Variants in HECTD4 observed in about 807,000 individuals in gnomAD.
HECTD4 encodes HECT domain E3 ubiquitin protein ligase 4.
In HECTD4, 114 loss-of-function variants were observed where a neutral mutation model predicts 471.5. The ratio of observed to expected loss-of-function variants is 0.24; its 90% CI spans 0.21 to 0.28. The LOEUF (loss-of-function observed/expected upper bound fraction) is 0.28, where lower values mean the gene tolerates loss of function less well. HECTD4 is among the 10% of genes least tolerant of loss of function. The pLI is 1.00. For missense variants in HECTD4, 3,866 were observed against 5,651.5 expected (o/e 0.68, Z 10.13); for synonymous variants, 2,012 against 2,256.0 (o/e 0.89, Z 3.07).
chr12:112,271,511 C>T (rs2034412133), intron 11 of HECTD4, among the ~76,000 whole-genome samples: 1 of 152,220 alleles, frequency 6.6e-6, no homozygotes, highest in South Asian at 2.1e-4. Flanking sequence ...GATACCTCTT[C>T]TGTGGTATTC....
chr12:112,308,453 C>CA (rs1330352270), intron 6 of HECTD4, among the ~76,000 whole-genome samples: 2 of 130,600 alleles, frequency 1.5e-5, no homozygotes, highest in Non-Finnish European at 3.3e-5. Flanking sequence ...AAAACAAAAA[C>CA]AAAACAAAAA....
intron 7 of HECTD4, among the ~76,000 whole-genome samples, chr12:112,304,499 G>A (rs1017236954): frequency 4.0e-5 from 6 of 151,826 alleles, no homozygotes; most frequent in Non-Finnish European, 7.4e-5. Context: ...CAGGAGCACC[G>A]TCATCTCAGA....
intron 1 of HECTD4, among the ~76,000 whole-genome samples, chr12:112,358,232 T>C (rs2036381793): frequency 6.6e-6 from 1 of 152,122 alleles, no homozygotes; most frequent in Non-Finnish European, 1.5e-5. Context: ...TCCTATTGTA[T>C]CTATCCCACA....
intron 44 of HECTD4, among the ~76,000 whole-genome samples, chr12:112,219,819 C>G (rs1241967412): frequency 6.6e-6 from 1 of 152,018 alleles, no homozygotes; most frequent in East Asian, 1.9e-4. Context: ...AGGCTGGTCT[C>G]GAACTCCTGA....
chr12:112,187,209 C>A (rs1043065378), intron 60 of HECTD4, among the ~76,000 whole-genome samples: 4 of 152,136 alleles, frequency 2.6e-5, no homozygotes, highest in Non-Finnish European at 2.9e-5. Context: ...GAACTCCCGA[C>A]CTCAGGTGAT....
chr12:112,332,004 A>G (rs1258735788), intron 1 of HECTD4, among the ~76,000 whole-genome samples: 4 of 152,138 alleles, frequency 2.6e-5, no homozygotes. Context: ...AAATCATGTC[A>G]CATGAAAAAT....
chr12:112,164,241 G>C lies in HECTD4; in HGVS notation c.12569C>G (p.Ala4190Gly). 2 of 1,613,714 alleles carry C rather than the reference G, an allele frequency of 1.2e-6. No homozygotes were observed. Among genetic ancestry groups the C allele is most frequent in the Middle Eastern group, 3.3e-4 (2 of 6,050 alleles). ...GGCCAGGTGCTGGGAGGCGATCTCA[G>C]CGCACAGGGCCTCCAGCTCGGTCTC... ...NDETELEALC[A>G]EIASQHLATE... is the part of the protein sequence containing the mutation. Residue 4190 changes from alanine (A) to glycine (G), a missense_variant, in exon 73 of 76, where the codon GCT (alanine) becomes GGT (glycine). Physicochemically the swap from Ala to Gly is moderately conservative, Grantham distance 60. Coordinates refer to ENST00000682272, the MANE Select transcript of HECTD4 (RefSeq NM_001388303.1).
intron 55 of HECTD4, among the ~76,000 whole-genome samples, chr12:112,198,956 G>A (rs184556503): frequency 6.6e-6 from 1 of 152,270 alleles, no homozygotes; most frequent in East Asian, 1.9e-4. Context: ...ACAGCTTCAA[G>A]GCTTCTGGAG....
At chr12:112,203,605 A>G (rs2032492481) in intron 54 of HECTD4, 31 bp downstream of exon 54, 1 of 1,590,922 alleles carries the variant, frequency 6.3e-7, no homozygotes, top group African/African-American at 1.3e-5. Flanking sequence ...TATATAAAAT[A>G]GCTTATTAAT....
At chr12:112,359,101 G>A (rs1013385840) in intron 1 of HECTD4, among the ~76,000 whole-genome samples, 4 of 151,862 alleles carry the variant, frequency 2.6e-5, no homozygotes, top group Non-Finnish European at 2.9e-5. Flanking sequence ...GCGTGAATGC[G>A]GGAGGCAGAG....
At chr12:112,315,895 T>TAAA (rs570049819) in intron 2 of HECTD4, among the ~76,000 whole-genome samples, 5 of 93,028 alleles carry the variant, frequency 5.4e-5, no homozygotes, top group East Asian at 2.9e-4. Context: ...GACCATGTCT[T>TAAA]AAAAAAAAAA....
rs1011037514 is a variant in HECTD4, at chr12:112,162,204, C to T, written c.*183G>A. 8 of 615,694 alleles carry T rather than the reference C, an allele frequency of 1.3e-5. No individual in the cohort carries two copies. The highest frequency in any genetic ancestry group is 5.9e-5 in the Admixed American group (2 of 33,636). The allele number at this position is 615,694 out of a possible 1,614,324, so 38.1% of individuals were successfully genotyped here. A position where few individuals can be genotyped will look rare whatever the true frequency, so the allele number is the denominator to read the frequency against. On this transcript the variant is annotated 3_prime_UTR_variant, in exon 76 of 76. Coordinates refer to ENST00000682272, the MANE Select transcript of HECTD4 (RefSeq NM_001388303.1). This position sits in a 1 kb window ranked among gnomAD's most constrained non-coding sequence, Gnocchi z 5.2. ...AGGCAGCAAAAGAACCAACCCATCA[C>T]GAAACGTACAAAGACAAAAGGTTAA...
chr12:112,368,979 A>G (rs1283131782), intron 1 of HECTD4, among the ~76,000 whole-genome samples: 1 of 152,228 alleles, frequency 6.6e-6, no homozygotes, highest in Non-Finnish European at 1.5e-5. Flanking sequence ...TTCTGAGCAC[A>G]CTTCGGGAGC....
At chr12:112,237,151 T>C in intron 34 of HECTD4, 53 bp from the exon 35 acceptor site, 2 of 1,493,002 alleles carry the variant, frequency 1.3e-6, no homozygotes, top group South Asian at 2.6e-5. Flanking sequence ...AAGGGTGCCA[T>C]GGTGAGCCTG....
intron 9 of HECTD4, among the ~76,000 whole-genome samples, chr12:112,275,307 T>C (rs1232704198): frequency 6.6e-6 from 1 of 152,238 alleles, no homozygotes; most frequent in African/African-American, 2.4e-5. Context: ...CAAGAAACAC[T>C]TGGCAGTTAG....
chr12:112,323,980 T>C (rs1412513628), intron 1 of HECTD4, among the ~76,000 whole-genome samples: 1 of 21,114 alleles, frequency 4.7e-5, no homozygotes, highest in Admixed American at 6.0e-4. Flanking sequence ...CTTCCTTCCT[T>C]CCTTCCTTCC....
chr12:112,331,723 AG>A (rs2035846739), intron 1 of HECTD4, among the ~76,000 whole-genome samples: 1 of 152,234 alleles, frequency 6.6e-6, no homozygotes, highest in South Asian at 2.1e-4. Flanking sequence ...AGACCTGACT[AG>A]ATAAAAGCTG....
Position 112,189,550 on chromosome 12 carries a change from C to CAAAAAAAAAAAA in HECTD4, c.9472+1224_9472+1235dup, listed in dbSNP as rs57209316. Among the ~76,000 whole-genome samples, 86 of 30,460 alleles carry CAAAAAAAAAAAA rather than the reference C, an allele frequency of 2.8e-3. 5 individuals are homozygous for CAAAAAAAAAAAA. Among genetic ancestry groups the CAAAAAAAAAAAA allele is most frequent in the African/African-American group, 8.4e-3 (75 of 8,894 alleles). 20.0% of individuals were successfully genotyped at this position (30,460 alleles called of 152,430 possible). A position where few individuals can be genotyped will look rare whatever the true frequency, so the allele number is the denominator to read the frequency against. On this transcript the variant is annotated intron_variant, in intron 60 of 75. Transcript: ENST00000682272. ...TGGGCGACAGAGCGAGACTCCGTCTCAAAAAAAAAAAAAAAAAAAAAAAAA... is the reference window on the plus strand; with the variant it reads ...TGGGCGACAGAGCGAGACTCCGTCTCAAAAAAAAAAAAAAAAAAAAAAAAAAAAAAAAAAAAA...
rs542075924 is a variant in HECTD4 at position 112,185,712 on chromosome 12, G to A, written c.9473-219C>T. ...AGAGAGCTAAGATTCAGAGCTGACAGGTCAGCTCCAGAGGTGACGGCTTTG... is the reference window on the plus strand; with the variant it reads ...AGAGAGCTAAGATTCAGAGCTGACAAGTCAGCTCCAGAGGTGACGGCTTTG... On this transcript the variant is annotated intron_variant, in intron 60 of 75. Coordinates refer to ENST00000682272, the MANE Select transcript of HECTD4 (RefSeq NM_001388303.1). Among the ~76,000 whole-genome samples, 3 of 152,346 alleles carry A rather than the reference G, an allele frequency of 2.0e-5. No homozygotes were observed. The South Asian group carries it at 6.2e-4, about 32-fold the overall frequency.
Sources: allele counts gnomAD v4.1 joint callset (sites outside exome capture counted in the v4.1 genomes callset), GRCh38; gene constraint gnomAD v4.1.1; non-coding constraint Gnocchi (gnomAD v3.1); transcripts MANE v1.5; gene names NCBI Gene and HGNC (gene_info 2026-07-23, HGNC 2026-07-21).